The following FAM47E variants were observed in gnomAD, a reference collection of about 807,000 sequenced individuals.
FAM47E encodes family with sequence similarity 47 member E.
A neutral mutation model predicts 41.6 loss-of-function variants in FAM47E; 32 were observed. That is an observed-to-expected ratio of 0.77 (90% CI 0.58 to 1.03). The LOEUF (loss-of-function observed/expected upper bound fraction) is 1.03, where lower values mean the gene tolerates loss of function less well. Ranked by LOEUF, FAM47E falls within the 50% of genes least tolerant of loss-of-function variation. The pLI, the probability that FAM47E is intolerant of heterozygous loss-of-function variation, is 0.00. For missense variants in FAM47E, 424 were observed against 485.4 expected, an observed-to-expected ratio of 0.87 and a Z score of 1.19; for synonymous variants, 184 against 188.7, an observed-to-expected ratio of 0.98 and a Z score of 0.20.
chr4:76,272,079 A>G (rs769766300), intron 5 of FAM47E, among the ~76,000 whole-genome samples: 2 of 152,222 alleles, frequency 1.3e-5, no homozygotes, highest in Non-Finnish European at 2.9e-5. Flanking sequence ...TTATTATTGC[A>G]AGAGCAAAAT....
chr4:76,222,479 C>T (rs1428619787), intron 2 of FAM47E, among the ~76,000 whole-genome samples: 2 of 152,154 alleles, frequency 1.3e-5, no homozygotes, highest in Admixed American at 6.5e-5. Context: ...CCACCTGCCT[C>T]GGCCTTCCAA....
At chr4:76,231,099 G>A (rs933184949) in intron 2 of FAM47E, among the ~76,000 whole-genome samples, 2 of 141,062 alleles carry the variant, frequency 1.4e-5, no homozygotes, top group African/African-American at 3.2e-5. Flanking sequence ...AGGTGAAACC[G>A]TAGAACTGAG....
chr4:76,237,479 C>A (rs1733612846), intron 2 of FAM47E, among the ~76,000 whole-genome samples: 1 of 151,042 alleles, frequency 6.6e-6, no homozygotes, highest in African/African-American at 2.4e-5. Flanking sequence ...TGATGTCTGT[C>A]TGTCCCAATC....
intron 2 of FAM47E, among the ~76,000 whole-genome samples, chr4:76,260,276 A>G (rs1177962209): frequency 6.6e-6 from 1 of 152,214 alleles, no homozygotes; most frequent in Non-Finnish European, 1.5e-5. Context: ...AGCAAAAAGA[A>G]CAAAGCTGGG....
chr4:76,259,873 A>G (rs1210019376), intron 2 of FAM47E, among the ~76,000 whole-genome samples: 1 of 152,230 alleles, frequency 6.6e-6, no homozygotes, highest in African/African-American at 2.4e-5. Flanking sequence ...AAGTTTCAGA[A>G]TATGAAATTA....
rs187228154 is a variant in FAM47E, at chr4:76,216,204, G to C, written c.-29-1375G>C. ...CAGTTAGCTACATTAACTCTGCTCTGTGCCCCAGTTTGCTTAAGGAGCAAT... is the reference window on the plus strand; with the variant it reads ...CAGTTAGCTACATTAACTCTGCTCTCTGCCCCAGTTTGCTTAAGGAGCAAT... On this transcript the variant is annotated intron_variant, in intron 1 of 7. Coordinates refer to the FAM47E transcript ENST00000510197. 3.1e-3 allele frequency among the ~76,000 whole-genome samples: 465 copies of C among 152,194 alleles called. 3 individuals carry two copies. The highest frequency in any genetic ancestry group is 0.011 in the African/African-American group (460 of 41,528).
chr4:76,223,687 G>C (rs1270482883), intron 2 of FAM47E, among the ~76,000 whole-genome samples: 1 of 152,176 alleles, frequency 6.6e-6, no homozygotes, highest in Non-Finnish European at 1.5e-5. Flanking sequence ...CATGAGTAGA[G>C]TAAAGTGTGA....
At position 76,234,210 on chromosome 4, in the gene FAM47E, C is replaced by A. The variant is rs560201461; in HGVS notation, c.81+16522C>A. 351 of 152,460 alleles carry A rather than the reference C, an allele frequency of 2.3e-3. 1 individual carries two copies. The highest frequency in any genetic ancestry group is 2.9e-3 in the Non-Finnish European group (200 of 68,174). The allele number at this position is 152,460 out of a possible 1,614,324, so 9.4% of individuals were successfully genotyped here. On this transcript the variant is annotated intron_variant, in intron 2 of 7. Transcript: ENST00000510197. ...GCCATGAAAAGGCTGGGGAGCAATGCGGGGGTGTGGGCATGATTTCCCCCA... is the reference window on the plus strand; with the variant it reads ...GCCATGAAAAGGCTGGGGAGCAATGAGGGGGTGTGGGCATGATTTCCCCCA...
chr4:76,255,529 G>A (rs1734150893), intron 1 of FAM47E, among the ~76,000 whole-genome samples: 1 of 152,116 alleles, frequency 6.6e-6, no homozygotes, highest in South Asian at 2.1e-4. Flanking sequence ...CTGAGTTTAG[G>A]GGGAACCCAC....
Position 76,217,624 on chromosome 4 carries a change from C to T in FAM47E, c.17C>T (p.Pro6Leu), listed in dbSNP as rs761503157. Residue 6 changes from proline to leucine, a missense_variant, in exon 2 of 8, where the codon CCG becomes CTG. By Grantham distance (98) the Pro-to-Leu change is moderately conservative. Coordinates refer to the FAM47E transcript ENST00000510197. ...CCTCATCCAATGCAGATGTCTGTGC[C>T]GTGCGTCTTGTCCAGCCTGCAGAAC... The T allele has an allele frequency of 1.9e-5, 12 of 643,086 alleles. No homozygotes were observed. In the South Asian group the frequency reaches 2.0e-4, roughly 11 times the overall value. The allele number at this position is 643,086 out of a possible 1,614,324, so 39.8% of individuals were successfully genotyped here.
chr4:76,247,810 T>G (rs1259084176), upstream of FAM47E, among the ~76,000 whole-genome samples: 2 of 152,058 alleles, frequency 1.3e-5, no homozygotes, highest in Non-Finnish European at 2.9e-5. Flanking sequence ...TTTTTGTCGT[T>G]GAGTGGTGGG....
intron 4 of FAM47E, among the ~76,000 whole-genome samples, chr4:76,271,314 G>A (rs1482050295): frequency 6.6e-6 from 1 of 152,190 alleles, no homozygotes; most frequent in Non-Finnish European, 1.5e-5. Flanking sequence ...TGCTGGAGAA[G>A]TTTGCTATGG....
chr4:76,263,642 G>T, intron 2 of FAM47E, 62 bp from the exon 3 acceptor site: 1 of 1,525,896 alleles, frequency 6.6e-7, no homozygotes, highest in Non-Finnish European at 8.8e-7. Flanking sequence ...TTTTGTTGTA[G>T]AATGGGGACT....
upstream of FAM47E, chr4:76,251,645 C>A (rs538596607): frequency 5.8e-4 from 786 of 1,351,978 alleles, no homozygotes; most frequent in Non-Finnish European, 7.0e-4. Context: ...GCGCCCGGGG[C>A]AAATACCGGC....
At chr4:76,249,731 C>T (rs1215441498), upstream of FAM47E, among the ~76,000 whole-genome samples, 2 of 152,116 alleles carry the variant, frequency 1.3e-5, no homozygotes, top group Admixed American at 6.5e-5. Context: ...TCCATTTTAT[C>T]ATTCTTACAC....
At chr4:76,279,093 T>C (rs529659348) in intron 6 of FAM47E, 1 of 152,312 alleles carries the variant, frequency 6.6e-6, no homozygotes, top group East Asian at 1.9e-4. Context: ...GTACTGAATA[T>C]AAATTCTTAT....
chr4:76,228,357 T>C (rs1251591917), intron 2 of FAM47E, among the ~76,000 whole-genome samples: 2 of 151,900 alleles, frequency 1.3e-5, no homozygotes, highest in Non-Finnish European at 1.5e-5. Context: ...TGCATGCCTG[T>C]AATCCCAGCT....
intron 1 of FAM47E, among the ~76,000 whole-genome samples, chr4:76,216,762 T>C (rs901794880): frequency 1.3e-5 from 2 of 152,236 alleles, no homozygotes; most frequent in Non-Finnish European, 2.9e-5. Context: ...GAAAATCTCT[T>C]TCTTGGTTCT....
intron 5 of FAM47E, 31 bp downstream of exon 5, chr4:76,271,799 C>G: frequency 6.5e-7 from 1 of 1,538,744 alleles, no homozygotes; most frequent in Non-Finnish European, 8.8e-7. Flanking sequence ...GACCGAAAAT[C>G]AAAGAAAATT....
Sources: gnomAD v4.1 joint callset for allele counts (sites outside exome capture counted in the v4.1 genomes callset) on GRCh38, gnomAD v4.1.1 for gene constraint, MANE v1.5 for transcripts, NCBI Gene and HGNC (gene_info 2026-07-23, HGNC 2026-07-21) for gene names.